POTEG: variants seen among roughly 807,000 people sequenced by gnomAD.
POTEG encodes POTE ankyrin domain family member G, also known as ANKRD26-like family C member 2.
Under a neutral mutation model 49.6 loss-of-function variants are expected in POTEG, and 2 were observed. The ratio of observed to expected loss-of-function variants is 0.04; its 90% CI spans 0.02 to 0.13. The LOEUF (loss-of-function observed/expected upper bound fraction) is 0.13. Ranked by LOEUF, POTEG falls within the 10% of genes least tolerant of loss-of-function variation. POTEG has a pLI of 1.00. For synonymous variants in POTEG, 7 were observed against 186.6 expected (o/e 0.04, Z 7.84); for missense variants, 26 against 545.2 (o/e 0.05, Z 9.48).
intron 3 of POTEG, among the ~76,000 whole-genome samples, chr14:19,426,225 T>C (rs1162847241): frequency 6.6e-6 from 1 of 151,746 alleles, no homozygotes; most frequent in Non-Finnish European, 1.5e-5. Context: ...CCAACATTTA[T>C]TTATTTAAAA....
chr14:19,414,268 T>C (rs1883459367), intron 8 of POTEG, among the ~76,000 whole-genome samples: 1 of 143,202 alleles, frequency 7.0e-6, no homozygotes, highest in South Asian at 2.3e-4. Flanking sequence ...TTTCTATTGA[T>C]AATCAGACTA....
At chr14:19,419,870 T>G (rs1261427998) in intron 6 of POTEG, among the ~76,000 whole-genome samples, 1 of 136,268 alleles carries the variant, frequency 7.3e-6, no homozygotes, top group Non-Finnish European at 1.5e-5. Context: ...ATCTAGTATT[T>G]GCAGTCCAAA....
intron 7 of POTEG, among the ~76,000 whole-genome samples, chr14:19,415,725 G>C (rs1883529995): frequency 6.6e-6 from 1 of 151,884 alleles, no homozygotes; most frequent in Admixed American, 6.6e-5. Flanking sequence ...ATTTCATAGT[G>C]GGTTATGTTG....
rs1361907872 is a variant in POTEG, at chr14:19,432,364, T to TTGTGTG, written c.521+1404_521+1405insCACACA. On this transcript the variant is annotated intron_variant, in intron 1 of 10. Coordinates refer to ENST00000547848, the MANE Select transcript of POTEG (RefSeq NM_001005356.3). ...CTCCATCAAAAAAAAAAAAGAAATT[T>TTGTGTG]TGTATATATATATATATATATATAT... is the stretch of plus-strand genomic sequence containing the variant. Among the ~76,000 whole-genome samples the TTGTGTG allele has an allele frequency of 7.5e-3, 320 of 42,582 alleles. 7 individuals are homozygous for TTGTGTG. Among genetic ancestry groups the TTGTGTG allele is most frequent in the Non-Finnish European group, 0.011 (254 of 22,926 alleles). 27.9% of individuals were successfully genotyped at this position (42,582 alleles called of 152,430 possible). A position where few individuals can be genotyped will look rare whatever the true frequency, so the allele number is the denominator to read the frequency against.
chr14:19,432,366 G>GTGTGTGTATATATA (rs1555310346), intron 1 of POTEG, among the ~76,000 whole-genome samples: 4 of 37,874 alleles, frequency 1.1e-4, no homozygotes, highest in African/African-American at 4.8e-4. Flanking sequence ...AAGAAATTTT[G>GTGTGTGTATATATA]TATATATATA....
At chr14:19,415,829 A>ATTTTTTTTTTTT (rs58833974) in intron 7 of POTEG, among the ~76,000 whole-genome samples, 4 of 96,702 alleles carry the variant, frequency 4.1e-5, no homozygotes, top group African/African-American at 9.1e-5. Flanking sequence ...ATCTATTAAA[A>ATTTTTTTTTTTT]TTTTTTTTTT....
intron 1 of POTEG, among the ~76,000 whole-genome samples, chr14:19,432,150 C>T (rs1481028734): frequency 2.1e-5 from 1 of 47,354 alleles, no homozygotes; most frequent in Non-Finnish European, 4.1e-5. Context: ...AGTTCAAGAC[C>T]AGCCTGGCCA....
Position 19,434,034 on chromosome 14 carries a change from G to C in POTEG, c.256C>G (p.His86Asp), listed in dbSNP as rs146829084. The change falls in exon 1 of 11, where the codon CAC becomes GAC. Residue 86 changes from histidine (H) to aspartate (D), a missense_variant. His to Asp is a moderately conservative substitution (Grantham distance 81). Coordinates refer to ENST00000547848, the MANE Select transcript of POTEG (RefSeq NM_001005356.3). ...SKSNVGTSGD[H>D]DDSAMKTLRS... ...AGTGTCTTCATAGCAGAGTCGTCGTGGTCTCCAGAAGTGCCCACGTTGCTC... is the reference window on the plus strand; with the variant it reads ...AGTGTCTTCATAGCAGAGTCGTCGTCGTCTCCAGAAGTGCCCACGTTGCTC... 1,982 of 1,441,634 alleles carry C rather than the reference G, an allele frequency of 1.4e-3. 2 individuals are homozygous for C. The South Asian group carries it at 0.015, about 11-fold the overall frequency. The allele number at this position is 1,441,634 out of a possible 1,614,324, so 89.3% of individuals were successfully genotyped here.
chr14:19,432,086 C>T (rs1212828711), intron 1 of POTEG, among the ~76,000 whole-genome samples: 16 of 36,992 alleles, frequency 4.3e-4, no homozygotes, highest in African/African-American at 1.4e-3. Context: ...TGGTGGCTCA[C>T]GCCTGTAACC....
At chr14:19,419,034 A>C (rs1883659499) in intron 6 of POTEG, among the ~76,000 whole-genome samples, 1 of 115,264 alleles carries the variant, frequency 8.7e-6, no homozygotes, top group Non-Finnish European at 1.7e-5. Context: ...AAAGGCCAAC[A>C]TATTAAAACG....
intron 1 of POTEG, among the ~76,000 whole-genome samples, chr14:19,430,665 G>C (rs1229729934): frequency 1.6e-5 from 2 of 123,994 alleles, no homozygotes; most frequent in South Asian, 2.4e-4. Flanking sequence ...ATAGGCGTCT[G>C]GCTTATGTCT....
intron 4 of POTEG, chr14:19,424,729 G>A (rs2139170883): frequency 1.8e-5 from 1 of 55,880 alleles, no homozygotes; most frequent in Non-Finnish European, 4.3e-5. Flanking sequence ...GGTAAGAATA[G>A]TAGTCACAGG....
At chr14:19,415,930 C>A (rs1289043724) in intron 7 of POTEG, among the ~76,000 whole-genome samples, 1 of 147,006 alleles carries the variant, frequency 6.8e-6, no homozygotes, top group Non-Finnish European at 1.5e-5. Flanking sequence ...CTGCAAGCTC[C>A]ACCCCCCAGG....
intron 7 of POTEG, among the ~76,000 whole-genome samples, chr14:19,414,833 G>A (rs1190577902): frequency 3.6e-5 from 5 of 137,564 alleles, no homozygotes; most frequent in East Asian, 4.1e-4. Flanking sequence ...TCTAACATGT[G>A]AAAAATAATT....
At chr14:19,414,255 C>A (rs1232309837) in intron 8 of POTEG, among the ~76,000 whole-genome samples, 2 of 141,874 alleles carry the variant, frequency 1.4e-5, no homozygotes, top group South Asian at 2.3e-4. Context: ...ACTTTAGCCA[C>A]ATTTTCTATT....
At chr14:19,421,514 TC>T (rs551663153) in intron 6 of POTEG, 109 bp downstream of exon 6, 1 of 1,307,896 alleles carries the variant, frequency 7.6e-7, no homozygotes, top group Non-Finnish European at 1.1e-6. Context: ...TCTGAAACCA[TC>T]CCCACCTTTC....
chr14:19,426,630 AAT>A (rs1883957127), intron 3 of POTEG: 1 of 446,882 alleles, frequency 2.2e-6, no homozygotes, highest in African/African-American at 2.0e-5. Flanking sequence ...TAGAAAGGAA[AAT>A]ATATTATTCT....
At chr14:19,426,990 TAA>T (rs372154880) in intron 3 of POTEG, 1,868 of 284,322 alleles carry the variant, frequency 6.6e-3, no homozygotes, top group South Asian at 8.4e-3. Flanking sequence ...AGACTCAATC[TAA>T]AAAAAAAAAA....
rs368678596 is a variant in POTEG at position 19,433,303 on chromosome 14, G to A, written c.521+466C>T. Among the ~76,000 whole-genome samples the A allele has an allele frequency of 3.4e-5, 4 of 117,390 alleles. 1 individual carries two copies. The highest frequency in any genetic ancestry group is 1.0e-4 in the African/African-American group (3 of 29,916). 77.0% of individuals were successfully genotyped at this position (117,390 alleles called of 152,430 possible). ...CATCTTCCCATTTCAGTTCTTCTAA[G>A]TAATCTTCTAAGATTACTCAGTAAA... On this transcript the variant is annotated intron_variant, in intron 1 of 10. Transcript: ENST00000547848.
Sources: allele counts gnomAD v4.1 joint callset (sites outside exome capture counted in the v4.1 genomes callset), GRCh38; gene constraint gnomAD v4.1.1; transcripts MANE v1.5; gene names NCBI Gene and HGNC (gene_info 2026-07-23, HGNC 2026-07-21).